The following HMGCL variants were observed in gnomAD, a reference collection of about 807,000 sequenced individuals.
HMGCL encodes the protein 3-hydroxy-3-methylglutaryl-CoA lyase.
A neutral mutation model predicts 37.3 loss-of-function variants in HMGCL; 26 were observed. The observed-to-expected ratio is 0.70, with a 90% confidence interval of 0.51 to 0.97. The LOEUF (loss-of-function observed/expected upper bound fraction) is 0.97, where lower values mean the gene tolerates loss of function less well. Ranked by LOEUF, HMGCL falls within the 50% of genes least tolerant of loss-of-function variation. The pLI is 0.00. For missense variants in HMGCL, 379 were observed against 398.1 expected (o/e 0.95, Z 0.41); for synonymous variants, 151 against 148.0 (o/e 1.02, Z -0.15).
chr1:23,813,281 C>CCGGA (rs1309468989), intron 5 of HMGCL, among the ~76,000 whole-genome samples: 5 of 137,038 alleles, frequency 3.6e-5, no homozygotes, highest in African/African-American at 1.1e-4. Context: ...GTCACCCAGG[C>CCGGA]CGGAGTACAG....
At position 23,802,360 on chromosome 1, in the gene HMGCL, C is replaced by T. The variant is rs1638296160; in HGVS notation, c.*103G>A. 1 of 825,564 alleles carries T rather than the reference C, an allele frequency of 1.2e-6. No homozygotes were observed. 51.1% of individuals were successfully genotyped at this position (825,564 alleles called of 1,614,324 possible). A position where few individuals can be genotyped will look rare whatever the true frequency, so the allele number is the denominator to read the frequency against. On this transcript the variant is annotated 3_prime_UTR_variant, in exon 9 of 9. Coordinates refer to ENST00000374490, the MANE Select transcript of HMGCL (RefSeq NM_000191.3). ...CTGTGTAGAGCTGGCTATGAGGTAC[C>T]TGCACCATTTAACCTATTCTCATTT...
chr1:23,809,239 T>TATATATATATATATA (rs61608386), intron 6 of HMGCL: 1 of 75,434 alleles, frequency 1.3e-5, no homozygotes, highest in African/African-American at 6.1e-5. Flanking sequence ...TATATATATA[T>TATATATATATATATA]TTTTTTTTTT....
intron 5 of HMGCL, among the ~76,000 whole-genome samples, chr1:23,812,378 A>G (rs1638534326): frequency 1.3e-5 from 2 of 152,010 alleles, no homozygotes; most frequent in Non-Finnish European, 2.9e-5. Context: ...TTTTTTGGAG[A>G]CAGAGTCTTA....
chr1:23,822,232 C>A (rs1053334675), intron 1 of HMGCL, among the ~76,000 whole-genome samples: 1 of 151,972 alleles, frequency 6.6e-6, no homozygotes, highest in Non-Finnish European at 1.5e-5. Context: ...GGGGTATGGG[C>A]GAGATGCAGG....
chr1:23,818,322 G>T (rs955773355), intron 2 of HMGCL, among the ~76,000 whole-genome samples: 1 of 152,114 alleles, frequency 6.6e-6, no homozygotes, highest in African/African-American at 2.4e-5. Context: ...AGCCAGGCGT[G>T]GTGGCACGTG....
chr1:23,812,887 G>T lies in HMGCL; in HGVS notation c.497+1303C>A, dbSNP rs557381104. ...GTGATCAGATGTGCACTTTTGTGGG[G>T]TTTTTTTGGTTTTTGTTTTTGAGAC... On this transcript the variant is annotated intron_variant, in intron 5 of 8. Transcript: ENST00000374490. Among the ~76,000 whole-genome samples the T allele has an allele frequency of 2.6e-4, 39 of 151,780 alleles. 1 individual carries two copies. Among genetic ancestry groups the T allele is most frequent in the African/African-American group, 8.9e-4 (37 of 41,386 alleles).
intron 3 of HMGCL, among the ~76,000 whole-genome samples, chr1:23,817,153 C>G (rs1022149177): frequency 2.6e-5 from 4 of 152,194 alleles, no homozygotes; most frequent in Non-Finnish European, 4.4e-5. Flanking sequence ...CAGGAGTTGT[C>G]AGTCTTCCTC....
In HMGCL at chr1:23,820,578, T is replaced by A. The variant is rs756958205; in HGVS notation, c.76A>T (p.Met26Leu). Residue 26 changes from methionine to leucine, a missense_variant, in exon 2 of 9, where the codon ATG (methionine) becomes TTG (leucine). Coordinates refer to ENST00000374490, the MANE Select transcript of HMGCL (RefSeq NM_000191.3). Reference protein sequence around the residue: ...ASLRAVSTSSMGTLPKRVKIV... With the variant: ...ASLRAVSTSSLGTLPKRVKIV... Reference sequence around the variant, plus strand: ...TTCACCCGCTTTGGTAAAGTGCCCATAGATGAGGTGCTGACCTTTGGTTTA... The same window carrying A: ...TTCACCCGCTTTGGTAAAGTGCCCAAAGATGAGGTGCTGACCTTTGGTTTA... 1 of 1,613,848 alleles carries A rather than the reference T, an allele frequency of 6.2e-7. No individual in the cohort carries two copies. Among genetic ancestry groups the A allele is most frequent in the Non-Finnish European group, 8.5e-7 (1 of 1,179,730 alleles).
intron 8 of HMGCL, chr1:23,804,038 C>G: frequency 1.1e-5 from 3 of 267,322 alleles, no homozygotes; most frequent in Non-Finnish European, 2.2e-5. Context: ...ATGCGTGTGG[C>G]CTCACTCAAC....
intron 7 of HMGCL, 47 bp from the exon 8 acceptor site, chr1:23,804,572 G>A (rs762999218): frequency 6.2e-7 from 1 of 1,610,688 alleles, no homozygotes; most frequent in Admixed American, 1.7e-5. Flanking sequence ...GGGGACAAGA[G>A]GCCACAGAGA....
Position 23,806,853 on chromosome 1 carries a change from C to T in HMGCL, c.750+1282G>A. On this transcript the variant is annotated intron_variant, in intron 7 of 8. Transcript: ENST00000374490. This position sits in a 1 kb window ranked among gnomAD's most constrained non-coding sequence, Gnocchi z 4.0. ...GGTCTTACAATGTGCTATTTACACG[C>T]CTGTAATCTTCCATCTGTCTTCCCC... The T allele has an allele frequency of 2.3e-6, 1 of 441,018 alleles. No individual in the cohort carries two copies. Among genetic ancestry groups the T allele is most frequent in the Admixed American group, 2.5e-5 (1 of 40,594 alleles). 27.3% of individuals were successfully genotyped at this position (441,018 alleles called of 1,614,324 possible). A position where few individuals can be genotyped will look rare whatever the true frequency, so the allele number is the denominator to read the frequency against.
chr1:23,817,535 C>T lies in HMGCL; in HGVS notation c.193G>A (p.Glu65Lys), dbSNP rs1292993660. The T allele has an allele frequency of 4.3e-6, 7 of 1,613,760 alleles. No homozygotes were observed. The highest frequency in any genetic ancestry group is 2.7e-5 in the African/African-American group (2 of 74,908). ...VKIKLIDMLS[E>K]AGLSVIETTS... ...GTTTCTATAACAGAGAGTCCTGCTT[C>T]AGAAAGCATGTCTATCAGCTTGATT... The change falls in exon 3 of 9, where the codon GAA becomes AAA. Residue 65 changes from glutamate to lysine, a missense_variant. Coordinates refer to ENST00000374490, the MANE Select transcript of HMGCL (RefSeq NM_000191.3).
chr1:23,819,006 TAAAAAAAAAAAAA>T lies in HMGCL; in HGVS notation c.145-1436_145-1424del, dbSNP rs11371330. 1.2e-4 allele frequency among the ~76,000 whole-genome samples: 5 copies of T among 43,120 alleles called. 1 individual carries two copies. The highest frequency in any genetic ancestry group is 3.9e-4 in the Admixed American group (1 of 2,532). 28.3% of individuals were successfully genotyped at this position (43,120 alleles called of 152,430 possible). A position where few individuals can be genotyped will look rare whatever the true frequency, so the allele number is the denominator to read the frequency against. ...ACTATTAAAGCTAGGATGGACGTGC[TAAAAAAAAAAAAA>T]AAAAAAAAAAAAAAGAGAAAAAGAA... On this transcript the variant is annotated intron_variant, in intron 2 of 8. Coordinates refer to ENST00000374490, the MANE Select transcript of HMGCL (RefSeq NM_000191.3).
intron 4 of HMGCL, among the ~76,000 whole-genome samples, chr1:23,815,530 C>G (rs1229735661): frequency 1.3e-5 from 2 of 150,954 alleles, no homozygotes; most frequent in Non-Finnish European, 2.9e-5. Flanking sequence ...AAGTCTTGCT[C>G]TGTCACCCAG....
intron 8 of HMGCL, among the ~76,000 whole-genome samples, chr1:23,803,202 TTTTTC>T (rs968133834): frequency 6.6e-6 from 1 of 152,094 alleles, no homozygotes; most frequent in East Asian, 1.9e-4. Flanking sequence ...ACCCAGCTAA[TTTTTC>T]TTTTCTTTTT....
rs1284448239 is a variant in HMGCL at position 23,825,386 on chromosome 1, C to T, written c.30G>A (p.Arg10=). Residue 10 remains arginine (R), a synonymous_variant, in exon 1 of 9, where the codon CGG becomes CGA. Transcript: ENST00000374490. MAAMRKALP[R]RLVGLASLRA... is the part of the protein sequence containing the mutation. Reference sequence around the variant, plus strand: ...GGAGGGACGCCAAGCCCACCAGTCGCCGCGGAAGCGCCTTCCTCATTGCTG... The same window carrying T: ...GGAGGGACGCCAAGCCCACCAGTCGTCGCGGAAGCGCCTTCCTCATTGCTG... The T allele has an allele frequency of 2.0e-5, 31 of 1,561,658 alleles. No homozygotes were observed. The highest frequency in any genetic ancestry group is 2.6e-5 in the Non-Finnish European group (30 of 1,153,636).
Position 23,806,949 on chromosome 1 carries a change from C to T in HMGCL, c.750+1186G>A. The T allele has an allele frequency of 1.9e-6, 1 of 518,764 alleles. No homozygotes were observed. 32.1% of individuals were successfully genotyped at this position (518,764 alleles called of 1,614,324 possible). ...TACCATTGTCTAAGTCAGCACTTAA[C>T]CTGGCACATCGATCCATATTTCCGA... On this transcript the variant is annotated intron_variant, in intron 7 of 8. Coordinates refer to ENST00000374490, the MANE Select transcript of HMGCL (RefSeq NM_000191.3). The surrounding 1 kb of genome is among the most constrained non-coding windows in gnomAD (Gnocchi z 4.0).
At chr1:23,820,143 C>A (rs919135727) in intron 2 of HMGCL, among the ~76,000 whole-genome samples, 4 of 152,240 alleles carry the variant, frequency 2.6e-5, no homozygotes, top group Non-Finnish European at 4.4e-5. Flanking sequence ...GGGCTGTGGA[C>A]CTGGGGACAC....
In HMGCL at chr1:23,810,781, A is replaced by C; in HGVS notation, c.516T>G (p.Leu172=). Residue 172 remains leucine, a synonymous_variant, in exon 6 of 9, where the codon CTT becomes CTG. Transcript: ENST00000374490. The stretch of plus-strand genomic sequence containing the variant: ...AGATCTTCCCTTCATAAGGGCAGCC[A>C]AGAGCACAGGAGACGTACCTGTGGG... ...ISVRGYVSCA[L]GCPYEGKISP... 1 of 1,614,004 alleles carries C rather than the reference A, an allele frequency of 6.2e-7. No homozygotes were observed.
Sources: gnomAD v4.1 joint callset for allele counts (sites outside exome capture counted in the v4.1 genomes callset) on GRCh38, gnomAD v4.1.1 for gene constraint, Gnocchi (gnomAD v3.1) non-coding constraint, MANE v1.5 for transcripts, NCBI Gene and HGNC (gene_info 2026-07-23, HGNC 2026-07-21) for gene names.